BCKDHB: variants seen among roughly 807,000 people sequenced by gnomAD.
BCKDHB encodes branched chain keto acid dehydrogenase E1 subunit beta, also known as 2-oxoisovalerate dehydrogenase subunit beta, mitochondrial.
Under a neutral mutation model 48.5 loss-of-function variants are expected in BCKDHB, and 41 were observed. The observed-to-expected ratio is 0.85, with a 90% confidence interval of 0.66 to 1.10. BCKDHB has a LOEUF of 1.10. Ranked by LOEUF, BCKDHB falls within the 50% of genes least tolerant of loss-of-function variation. The pLI is 0.00. For missense variants in BCKDHB, 496 were observed against 494.2 expected (o/e 1.00, Z -0.03); for synonymous variants, 201 against 174.8 (o/e 1.15, Z -1.18).
chr6:80,425,614 G>A, the BCKDHB span, among the ~76,000 whole-genome samples: 1 of 152,162 alleles, frequency 6.6e-6, no homozygotes, highest in African/African-American at 2.4e-5. Context: ...CAACAGTTTT[G>A]AACACTTAGT....
chr6:80,298,809 A>G (rs141645675), intron 9 of BCKDHB, among the ~76,000 whole-genome samples: 2 of 152,126 alleles, frequency 1.3e-5, no homozygotes, highest in East Asian at 1.9e-4. Context: ...AGAAAGACCC[A>G]CTCATTGCAG....
At chr6:80,117,478 G>A (rs373025235) in intron 1 of BCKDHB, among the ~76,000 whole-genome samples, 5 of 152,116 alleles carry the variant, frequency 3.3e-5, no homozygotes, top group African/African-American at 9.7e-5. Context: ...TTGGGAATAG[G>A]CCCCCAAATC....
chr6:80,425,538 C>T, the BCKDHB span, among the ~76,000 whole-genome samples: 5,247 of 152,192 alleles, frequency 0.034, 316 homozygotes, highest in African/African-American at 0.12. Context: ...ATTTCACAAG[C>T]AGTATTTAAC....
intron 3 of BCKDHB, among the ~76,000 whole-genome samples, chr6:80,130,727 TG>T (rs1770585371): frequency 6.6e-6 from 1 of 152,246 alleles, no homozygotes; most frequent in Non-Finnish European, 1.5e-5. Flanking sequence ...AAATTGCTCA[TG>T]TTTTCAGAGA....
chr6:80,347,500 G>A (rs1770266523), downstream of BCKDHB, among the ~76,000 whole-genome samples: 1 of 152,198 alleles, frequency 6.6e-6, no homozygotes. Context: ...TTGGCCTACA[G>A]TGGGTTGTAG....
intron 3 of BCKDHB, among the ~76,000 whole-genome samples, chr6:80,164,978 A>G (rs2127770274): frequency 6.6e-6 from 1 of 152,348 alleles, no homozygotes; most frequent in Middle Eastern, 3.4e-3. Flanking sequence ...TTGCTACATC[A>G]TAGAAACTTG....
the BCKDHB span, among the ~76,000 whole-genome samples, chr6:80,434,273 A>G: frequency 6.6e-6 from 1 of 151,678 alleles, no homozygotes; most frequent in Non-Finnish European, 1.5e-5. Context: ...ATATCATTTA[A>G]TATTTTTCTG....
chr6:80,259,207 C>T (rs933286063), intron 8 of BCKDHB, among the ~76,000 whole-genome samples: 1 of 152,152 alleles, frequency 6.6e-6, no homozygotes, highest in Admixed American at 6.5e-5. Flanking sequence ...TCTTGAATGC[C>T]TTTCTTCAGC....
rs1162891504 is a variant in BCKDHB at position 80,345,078 on chromosome 6, ATGGTATTTAT to A, written c.*1276_*1285del. 6.6e-6 allele frequency: 1 copy of A among 152,218 alleles called. No homozygotes were observed. Among genetic ancestry groups the A allele is most frequent in the Admixed American group, 6.5e-5 (1 of 15,286 alleles). 9.4% of individuals were successfully genotyped at this position (152,218 alleles called of 1,614,324 possible). A position where few individuals can be genotyped will look rare whatever the true frequency, so the allele number is the denominator to read the frequency against. On this transcript the variant is annotated 3_prime_UTR_variant, in exon 10 of 10. Coordinates refer to ENST00000320393, the MANE Select transcript of BCKDHB (RefSeq NM_183050.4). ...ATATTTTTTACATAATGGATAATAAATGGTATTTATTCATCATGATTTTCTAAGTAATGCT... is the reference window on the plus strand; with the variant it reads ...ATATTTTTTACATAATGGATAATAAATCATCATGATTTTCTAAGTAATGCT...
intron 1 of BCKDHB, among the ~76,000 whole-genome samples, chr6:80,116,433 C>G (rs1162393875): frequency 6.6e-6 from 1 of 152,182 alleles, no homozygotes; most frequent in East Asian, 1.9e-4. Context: ...TTATTTAGCA[C>G]CTATTACATG....
intron 8 of BCKDHB, among the ~76,000 whole-genome samples, chr6:80,271,147 A>T (rs584372): frequency 2.6e-5 from 4 of 152,044 alleles, no homozygotes; most frequent in African/African-American, 9.7e-5. Context: ...TGAAAAGATA[A>T]GTTGCTTGGT....
chr6:80,170,016 C>T, intron 5 of BCKDHB: 1 of 1,098,460 alleles, frequency 9.1e-7, no homozygotes, highest in Non-Finnish European at 1.2e-6. Context: ...CTCTTTTCCT[C>T]CTTCATTTTC....
intron 3 of BCKDHB, among the ~76,000 whole-genome samples, chr6:80,142,910 T>C (rs866413535): frequency 2.0e-5 from 3 of 152,246 alleles, no homozygotes; most frequent in Non-Finnish European, 4.4e-5. Flanking sequence ...TATTCCTTGA[T>C]TTCAATTTCT....
chr6:80,111,535 G>C (rs929082295), intron 1 of BCKDHB, among the ~76,000 whole-genome samples: 8 of 152,120 alleles, frequency 5.3e-5, no homozygotes, highest in African/African-American at 1.7e-4. Context: ...AGTCTTTGTT[G>C]TGCAGATTAT....
chr6:80,266,134 T>G (rs1384031478), intron 8 of BCKDHB, among the ~76,000 whole-genome samples: 1 of 152,088 alleles, frequency 6.6e-6, no homozygotes, highest in Non-Finnish European at 1.5e-5. Context: ...TTTCAACAGT[T>G]TTCTAAAATT....
chr6:80,458,755 T>A, the BCKDHB span, among the ~76,000 whole-genome samples: 76 of 152,262 alleles, frequency 5.0e-4, 1 homozygote, highest in African/African-American at 1.8e-3. Context: ...AGGGATGGGG[T>A]GACTGAGACT....
chr6:80,202,977 A>G (rs1030844908), intron 7 of BCKDHB, 125 bp from the exon 8 acceptor site: 3 of 726,148 alleles, frequency 4.1e-6, no homozygotes, highest in East Asian at 2.6e-5. Context: ...AAATTTATAA[A>G]TTCTCCATGC....
chr6:80,364,550 C>G, the BCKDHB span, among the ~76,000 whole-genome samples: 1 of 152,134 alleles, frequency 6.6e-6, no homozygotes, highest in Non-Finnish European at 1.5e-5. Context: ...AAAACGTATT[C>G]ATTAGTCTAT....
At chr6:80,226,798 A>G (rs1178598180) in intron 8 of BCKDHB, among the ~76,000 whole-genome samples, 1 of 152,156 alleles carries the variant, frequency 6.6e-6, no homozygotes, top group Non-Finnish European at 1.5e-5. Context: ...TTCTTTTGCT[A>G]CCATTAAGCA....
Sources: gnomAD v4.1 joint callset for allele counts (sites outside exome capture counted in the v4.1 genomes callset) on GRCh38, gnomAD v4.1.1 for gene constraint, MANE v1.5 for transcripts, NCBI Gene and HGNC (gene_info 2026-07-23, HGNC 2026-07-21) for gene names.